MGAM: variants seen among roughly 807,000 people sequenced by gnomAD.
MGAM encodes maltase-glucoamylase.
In MGAM, 253 loss-of-function variants were observed where a neutral mutation model predicts 358.8. The observed-to-expected ratio is 0.71, with a 90% CI of 0.64 to 0.78. MGAM has a LOEUF of 0.78. MGAM is among the 30% of genes least tolerant of loss of function. MGAM has a pLI of 0.00. For synonymous variants in MGAM, 1,105 were observed against 1,227.1 expected (o/e 0.90, Z 2.08); for missense variants, 3,080 against 3,432.6 (o/e 0.90, Z 2.57).
At chr7:142,067,955 T>TATATAA (rs1554484139) in intron 42 of MGAM, among the ~76,000 whole-genome samples, 2 of 37,306 alleles carry the variant, frequency 5.4e-5, no homozygotes, top group African/African-American at 1.5e-4. Context: ...TATATATATA[T>TATATAA]ATATATATAA....
chr7:141,999,876 G>C (rs543819187), intron 1 of MGAM, among the ~76,000 whole-genome samples: 1 of 152,100 alleles, frequency 6.6e-6, no homozygotes, highest in South Asian at 2.1e-4. Context: ...TATAATGCAG[G>C]AAGTAAGGTC....
intron 49 of MGAM, among the ~76,000 whole-genome samples, 159 bp downstream of exon 49, chr7:142,079,167 C>A (rs1814007812): frequency 6.9e-6 from 1 of 145,878 alleles, no homozygotes; most frequent in Non-Finnish European, 1.6e-5. Flanking sequence ...AACAATGAGA[C>A]CTGCCCTAAT....
At chr7:141,986,529 A>G (rs1283219998) in intron 2 of MGAM, among the ~76,000 whole-genome samples, 3 of 152,174 alleles carry the variant, frequency 2.0e-5, no homozygotes, top group African/African-American at 7.2e-5. Context: ...GAGACCGTAC[A>G]TGGCTGTAAG....
intron 22 of MGAM, among the ~76,000 whole-genome samples, 177 bp downstream of exon 22, chr7:142,048,050 G>T (rs1421906587): frequency 6.6e-6 from 1 of 151,980 alleles, no homozygotes; most frequent in Non-Finnish European, 1.5e-5. Flanking sequence ...GACCTACAAA[G>T]GAAAGAAAAA....
rs559085297 is a variant in MGAM, at chr7:142,051,679, A to G, written c.2806-615A>G. Among the ~76,000 whole-genome samples the G allele has an allele frequency of 4.6e-5, 7 of 152,304 alleles. No homozygotes were observed. The South Asian group carries it at 1.4e-3, about 32-fold the overall frequency. On this transcript the variant is annotated intron_variant, in intron 24 of 70. Coordinates refer to ENST00000475668, the MANE Select transcript of MGAM (RefSeq NM_001365693.1). ...TCAACTTTTCAAATTTGCCGTTGCT[A>G]AAATTGAAACCCAAAGAAATGAAAC...
At chr7:142,064,692 C>T (rs1812554128) in intron 37 of MGAM, among the ~76,000 whole-genome samples, 170 bp downstream of exon 37, 1 of 152,104 alleles carries the variant, frequency 6.6e-6, no homozygotes, top group African/African-American at 2.4e-5. Context: ...GGAGCCAGGC[C>T]CTGTGATTAA....
At chr7:142,065,493 T>A (rs1413670725) in intron 38 of MGAM, 25 bp downstream of exon 38, 3 of 1,613,660 alleles carry the variant, frequency 1.9e-6, no homozygotes, top group South Asian at 1.1e-5. Flanking sequence ...CCCCAGGGCC[T>A]TTGCCGACAG....
At chr7:142,014,634 C>T (rs1395559548) in intron 3 of MGAM, among the ~76,000 whole-genome samples, 1 of 152,102 alleles carries the variant, frequency 6.6e-6, no homozygotes, top group Non-Finnish European at 1.5e-5. Flanking sequence ...GAAGTAACCA[C>T]ACTTTTGAAA....
chr7:142,022,241 A>G, intron 6 of MGAM, 27 bp from the exon 7 acceptor site: 9 of 1,575,762 alleles, frequency 5.7e-6, no homozygotes, highest in Non-Finnish European at 7.8e-6. Flanking sequence ...TTGCTCACCC[A>G]TCCTTGTGTT....
Position 142,040,724 on chromosome 7 carries a change from G to A in MGAM, c.2376G>A (p.Gly792=). The change falls in exon 21 of 71, where the codon GGG becomes GGA. Residue 792 remains glycine (G), a splice_region_variant and synonymous_variant. Coordinates refer to ENST00000475668, the MANE Select transcript of MGAM (RefSeq NM_001365693.1). The part of the protein sequence containing the change: ...PDAVWYDYET[G]SQVRWRKQKV... ...TTTGATTTATCTGCATGCATCAGGG[G>A]AGCCAAGTGAGATGGAGGAAGCAAA... The A allele has an allele frequency of 9.3e-6, 15 of 1,613,020 alleles. No individual in the cohort carries two copies. Among genetic ancestry groups the A allele is most frequent in the Non-Finnish European group, 1.2e-5 (14 of 1,179,428 alleles).
intron 2 of MGAM, among the ~76,000 whole-genome samples, chr7:141,990,109 G>A (rs1373880320): frequency 1.3e-5 from 2 of 152,156 alleles, no homozygotes; most frequent in Admixed American, 6.5e-5. Context: ...GGAGTGGCTA[G>A]CACTCCTCTG....
intron 19 of MGAM, among the ~76,000 whole-genome samples, chr7:142,039,603 C>T (rs1019449461): frequency 6.6e-6 from 1 of 151,996 alleles, no homozygotes; most frequent in East Asian, 1.9e-4. Context: ...CAAGAGTGGT[C>T]CTATTTGTTG....
At position 142,086,065 on chromosome 7, in the gene MGAM, G is replaced by T. The variant is rs1814724399; in HGVS notation, c.6636+104G>T. On this transcript the variant is annotated intron_variant, in intron 55 of 70. Coordinates refer to ENST00000475668, the MANE Select transcript of MGAM (RefSeq NM_001365693.1). ...CCATGTTGCAAGTAGATAAATTGAA[G>T]TGTAGTAAGAAATGTGTATTTCCCT... 8.1e-6 allele frequency: 12 copies of T among 1,487,872 alleles called. 1 individual carries two copies. The highest frequency in any genetic ancestry group is 1.1e-5 in the Non-Finnish European group (12 of 1,086,414). The allele number at this position is 1,487,872 out of a possible 1,614,324, so 92.2% of individuals were successfully genotyped here. A position where few individuals can be genotyped will look rare whatever the true frequency, so the allele number is the denominator to read the frequency against.
intron 1 of MGAM, chr7:142,004,291 C>G (rs1194161061): frequency 6.6e-6 from 1 of 151,894 alleles, no homozygotes; most frequent in Non-Finnish European, 1.5e-5. Flanking sequence ...GAAATCAATC[C>G]AAGTGTTCAT....
chr7:142,069,141 A>G (rs1252191126), intron 43 of MGAM, among the ~76,000 whole-genome samples: 1 of 146,232 alleles, frequency 6.8e-6, no homozygotes, highest in Non-Finnish European at 1.5e-5. Context: ...ACCTCCTTCC[A>G]TAGCATAGAT....
rs1403550231 is a variant in MGAM, at chr7:142,070,890, A to G, written c.5062-104A>G. ...GCAGGTATGTTGCAAAGGGTGATGA[A>G]CAGGCATAAGTTCAGAGGGGAGGAT... On this transcript the variant is annotated intron_variant, in intron 43 of 70. Transcript: ENST00000475668. 14 of 1,414,424 alleles carry G rather than the reference A, an allele frequency of 9.9e-6. 1 individual carries two copies. The highest frequency in any genetic ancestry group is 9.3e-5 in the East Asian group (4 of 42,960). The allele number at this position is 1,414,424 out of a possible 1,614,324, so 87.6% of individuals were successfully genotyped here. A position where few individuals can be genotyped will look rare whatever the true frequency, so the allele number is the denominator to read the frequency against.
intron 21 of MGAM, among the ~76,000 whole-genome samples, chr7:142,041,202 T>G (rs1215148802): frequency 6.6e-6 from 1 of 152,154 alleles, no homozygotes; most frequent in Non-Finnish European, 1.5e-5. Context: ...TATGCAAACC[T>G]CAAATCTCCA....
chr7:142,042,905 CTATATTATATA>C (rs1563149362), intron 21 of MGAM, among the ~76,000 whole-genome samples: 834 of 34,564 alleles, frequency 0.024, 72 homozygotes, highest in Middle Eastern at 0.059. Context: ...AATATAATAT[CTATATTATATA>C]TACATATAAT....
At chr7:141,995,054 C>T (rs921620899), upstream of MGAM, among the ~76,000 whole-genome samples, 1 of 152,170 alleles carries the variant, frequency 6.6e-6, no homozygotes, top group East Asian at 1.9e-4. Context: ...TAAGCCATGG[C>T]AGGACATTGT....
Sources: allele counts gnomAD v4.1 joint callset (sites outside exome capture counted in the v4.1 genomes callset), GRCh38; gene constraint gnomAD v4.1.1; transcripts MANE v1.5; gene names NCBI Gene and HGNC (gene_info 2026-07-23, HGNC 2026-07-21).